RBM6: variants seen among roughly 807,000 people sequenced by gnomAD.
The protein encoded by RBM6 is RNA binding motif protein 6.
A neutral mutation model predicts 140.4 loss-of-function variants in RBM6; 23 were observed. That is an observed-to-expected ratio of 0.16 (90% CI 0.12 to 0.23). RBM6 has a LOEUF of 0.23. RBM6 is among the 10% of genes least tolerant of loss of function. The pLI is 1.00. For missense variants in RBM6, 1,139 were observed against 1,386.7 expected (o/e 0.82, Z 2.84); for synonymous variants, 439 against 475.6 (o/e 0.92, Z 1.00).
chr3:49,970,992 C>T (rs1215960445), intron 3 of RBM6, among the ~76,000 whole-genome samples: 3 of 151,988 alleles, frequency 2.0e-5, no homozygotes, highest in East Asian at 1.9e-4. Flanking sequence ...TTAGGCCAGG[C>T]GTGGTGGTTC....
intron 6 of RBM6, among the ~76,000 whole-genome samples, chr3:50,013,318 G>C (rs2108773367): frequency 6.6e-6 from 1 of 152,088 alleles, no homozygotes; most frequent in South Asian, 2.1e-4. Flanking sequence ...CAAGAAGTAG[G>C]GCAACATCTA....
chr3:49,986,649 A>G (rs929474207), intron 5 of RBM6, among the ~76,000 whole-genome samples: 7 of 151,608 alleles, frequency 4.6e-5, no homozygotes, highest in African/African-American at 1.7e-4. Flanking sequence ...CATACTCTCT[A>G]ACTGTGAAGA....
intron 4 of RBM6, among the ~76,000 whole-genome samples, chr3:49,973,010 T>C (rs1429322592): frequency 1.3e-5 from 2 of 152,142 alleles, no homozygotes; most frequent in Admixed American, 6.5e-5. Context: ...TTTGTACTTT[T>C]AGTAGAGACG....
At chr3:50,015,280 G>GAA (rs1356376208) in intron 6 of RBM6, among the ~76,000 whole-genome samples, 4 of 144,470 alleles carry the variant, frequency 2.8e-5, no homozygotes, top group African/African-American at 2.5e-5. Flanking sequence ...GCTAATTTTT[G>GAA]TATTTTTAGC....
chr3:50,059,747 G>T lies in RBM6; in HGVS notation c.2228+1G>T. ...TAAACCTGGCCACTGGAAAACGAAG[G>T]TAAGGCAGAAGGGTGAGGATCTCTT... is the stretch of plus-strand genomic sequence containing the variant. On this transcript the variant is annotated splice_donor_variant, in intron 11 of 20. Coordinates refer to ENST00000266022, the MANE Select transcript of RBM6 (RefSeq NM_005777.3). LOFTEE classifies it high-confidence loss of function. The T allele has an allele frequency of 6.2e-7, 1 of 1,612,142 alleles. No homozygotes were observed. Among genetic ancestry groups the T allele is most frequent in the Non-Finnish European group, 8.5e-7 (1 of 1,178,692 alleles).
At chr3:50,036,923 A>G (rs1050246545) in intron 6 of RBM6, among the ~76,000 whole-genome samples, 33 of 152,074 alleles carry the variant, frequency 2.2e-4, no homozygotes, top group Admixed American at 2.0e-3. Flanking sequence ...TTGGGACTAC[A>G]GGCTCATGCC....
intron 1 of RBM6, among the ~76,000 whole-genome samples, chr3:49,944,768 G>A (rs1217950268): frequency 1.3e-5 from 2 of 151,972 alleles, no homozygotes; most frequent in South Asian, 2.1e-4. Context: ...CAGCCACCGC[G>A]CCCAGCCACA....
At chr3:49,979,629 C>T (rs1187900457) in intron 5 of RBM6, among the ~76,000 whole-genome samples, 7 of 151,676 alleles carry the variant, frequency 4.6e-5, no homozygotes, top group African/African-American at 7.3e-5. Context: ...TTAGTAGAGA[C>T]GGGGTTTCGC....
intron 5 of RBM6, among the ~76,000 whole-genome samples, chr3:49,988,508 T>C (rs1019826648): frequency 6.6e-6 from 1 of 152,120 alleles, no homozygotes; most frequent in East Asian, 1.9e-4. Context: ...AAAAAAGATA[T>C]TCCTCGACTT....
chr3:50,005,684 C>G (rs1252390797), intron 6 of RBM6, among the ~76,000 whole-genome samples: 1 of 152,146 alleles, frequency 6.6e-6, no homozygotes, highest in Non-Finnish European at 1.5e-5. Context: ...AACCAATAAT[C>G]TGTAGGTTGA....
At position 49,961,664 on chromosome 3, in the gene RBM6, T is replaced by C. The variant is rs539154475; in HGVS notation, c.-66-912T>C. 9.9e-5 allele frequency among the ~76,000 whole-genome samples: 15 copies of C among 151,632 alleles called. No homozygotes were observed. In the East Asian group the frequency reaches 3.0e-3, roughly 30 times the overall value. On this transcript the variant is annotated intron_variant, in intron 1 of 20. Transcript: ENST00000266022. ...AAATACAAAAATTAGCCGGGCATGGTGACGCGTGCCTGTAGTCCCAGCTAC... is the reference window on the plus strand; with the variant it reads ...AAATACAAAAATTAGCCGGGCATGGCGACGCGTGCCTGTAGTCCCAGCTAC...
chr3:50,026,065 C>T (rs1333876540), intron 6 of RBM6, among the ~76,000 whole-genome samples: 1 of 151,658 alleles, frequency 6.6e-6, no homozygotes, highest in Admixed American at 6.6e-5. Flanking sequence ...GCTTGGATGA[C>T]AGAGGGAGAC....
intron 1 of RBM6, among the ~76,000 whole-genome samples, chr3:49,960,136 A>AC (rs2084219059): frequency 6.6e-6 from 1 of 152,028 alleles, no homozygotes; most frequent in African/African-American, 2.4e-5. Context: ...TCCTTCAAAT[A>AC]CCCCCGCAGA....
At chr3:50,070,376 A>T (rs1341944029) in intron 18 of RBM6, 79 bp from the exon 19 acceptor site, 6 of 993,398 alleles carry the variant, frequency 6.0e-6, no homozygotes, top group African/African-American at 3.2e-5. Context: ...AATAATAATA[A>T]CAGCAATGGG....
rs775328164 is a variant in RBM6 at position 50,068,657 on chromosome 3, G to C, written c.2944-33G>C. The C allele has an allele frequency of 3.8e-6, 6 of 1,599,388 alleles. No homozygotes were observed. In the South Asian group the frequency reaches 5.5e-5, roughly 15 times the overall value. On this transcript the variant is annotated intron_variant, in intron 17 of 20. Coordinates refer to ENST00000266022, the MANE Select transcript of RBM6 (RefSeq NM_005777.3). The stretch of plus-strand genomic sequence containing the variant: ...GCATCTCTAGGACCATTGTTTCTTA[G>C]ACCTATACTCATAGAATTGCCTCTC...
At chr3:49,940,337 G>A (rs2083228370) in intron 1 of RBM6, 112 bp downstream of exon 1, 1 of 152,402 alleles carries the variant, frequency 6.6e-6, no homozygotes, top group Admixed American at 6.5e-5. Flanking sequence ...TGTGGCTTCA[G>A]TGTCGCGGGG....
chr3:50,010,676 G>A (rs2086799194), intron 6 of RBM6, among the ~76,000 whole-genome samples: 1 of 151,862 alleles, frequency 6.6e-6, no homozygotes, highest in Non-Finnish European at 1.5e-5. Flanking sequence ...GCTGAGGCGG[G>A]CAGATCACCT....
chr3:49,970,792 T>G (rs1227030466), intron 3 of RBM6, among the ~76,000 whole-genome samples: 2 of 151,978 alleles, frequency 1.3e-5, no homozygotes, highest in Non-Finnish European at 1.5e-5. Flanking sequence ...GCCAGGAACT[T>G]GAGACCAGTG....
intron 8 of RBM6, among the ~76,000 whole-genome samples, chr3:50,056,380 T>C (rs955169885): frequency 2.6e-5 from 4 of 151,970 alleles, no homozygotes; most frequent in Non-Finnish European, 4.4e-5. Context: ...CTGCAAGCTC[T>C]GCCTCCCAGG....
Sources: gnomAD v4.1 joint callset for allele counts (sites outside exome capture counted in the v4.1 genomes callset) on GRCh38, gnomAD v4.1.1 for gene constraint, MANE v1.5 for transcripts, NCBI Gene and HGNC (gene_info 2026-07-23, HGNC 2026-07-21) for gene names.